The following CFAP77 variants were observed in gnomAD, a reference collection of about 807,000 sequenced individuals.
The protein encoded by CFAP77 is cilia- and flagella-associated protein 77.
CFAP77 carries 25 observed loss-of-function variants against 31.1 expected under a neutral mutation model. The ratio of observed to expected loss-of-function variants is 0.80; its 90% confidence interval spans 0.59 to 1.12. The LOEUF (loss-of-function observed/expected upper bound fraction) is 1.12, where lower values mean the gene tolerates loss of function less well. Among genes scored for constraint, CFAP77 ranks in the 50% most tolerant of loss-of-function variants. The pLI is 0.00. For synonymous variants in CFAP77, 151 were observed against 159.9 expected, an observed-to-expected ratio of 0.94 and a Z score of 0.42; for missense variants, 377 against 397.3, an observed-to-expected ratio of 0.95 and a Z score of 0.44.
At chr9:132,534,089 A>G (rs753160241) in intron 3 of CFAP77, among the ~76,000 whole-genome samples, 6 of 152,110 alleles carry the variant, frequency 3.9e-5, no homozygotes, top group South Asian at 2.1e-4. Flanking sequence ...TATGTTGTGT[A>G]TATTTACCAC....
chr9:132,522,058 G>A (rs547686672), intron 3 of CFAP77, among the ~76,000 whole-genome samples: 58 of 152,206 alleles, frequency 3.8e-4, no homozygotes, highest in African/African-American at 1.3e-3. Context: ...CACTACACCC[G>A]GCCCCAGACT....
intron 3 of CFAP77, among the ~76,000 whole-genome samples, chr9:132,536,391 C>CT (rs35488775): frequency 0.18 from 21,939 of 122,196 alleles, 2,291 homozygotes; most frequent in East Asian, 0.27. Context: ...GCTCATAGTT[C>CT]TTTTTTTTTT....
Position 132,517,964 on chromosome 9 carries a change from G to A in CFAP77, c.524+18364G>A, listed in dbSNP as rs181430151. On this transcript the variant is annotated intron_variant, in intron 3 of 5. Coordinates refer to ENST00000393216, the MANE Select transcript of CFAP77 (RefSeq NM_001282957.2). This position sits in a 1 kb window ranked among gnomAD's most constrained non-coding sequence, Gnocchi z 4.7. ...GATTTCATTTCATTCCCCCTTTTTC[G>A]CTTTATGGGACTGAGTTTTGACCCG... Among the ~76,000 whole-genome samples, 40 of 152,062 alleles carry A rather than the reference G, an allele frequency of 2.6e-4. No homozygotes were observed. Among genetic ancestry groups the A allele is most frequent in the African/African-American group, 7.7e-4 (32 of 41,500 alleles).
At chr9:132,526,396 A>AT (rs554938625) in intron 3 of CFAP77, among the ~76,000 whole-genome samples, 37 of 150,368 alleles carry the variant, frequency 2.5e-4, no homozygotes, top group Admixed American at 1.7e-3. Context: ...CGCCTGGCTA[A>AT]TTTTTTTTTG....
intron 3 of CFAP77, among the ~76,000 whole-genome samples, chr9:132,523,795 A>G (rs1431437889): frequency 6.6e-6 from 1 of 152,096 alleles, no homozygotes; most frequent in Non-Finnish European, 1.5e-5. Flanking sequence ...AATACTCCCA[A>G]TTTCATTGGA....
intron 1 of CFAP77, among the ~76,000 whole-genome samples, chr9:132,443,535 G>A (rs933386239): frequency 1.3e-5 from 2 of 152,176 alleles, no homozygotes; most frequent in African/African-American, 2.4e-5. Context: ...TTACAGGGAT[G>A]AGCCACTGCA....
At chr9:132,518,751 C>T (rs1852193791) in intron 3 of CFAP77, among the ~76,000 whole-genome samples, 1 of 152,206 alleles carries the variant, frequency 6.6e-6, no homozygotes, top group Non-Finnish European at 1.5e-5. Flanking sequence ...AGAGATCTGT[C>T]CAAAGCCTCA....
intron 1 of CFAP77, among the ~76,000 whole-genome samples, chr9:132,471,010 G>A (rs1851244290): frequency 6.6e-6 from 1 of 152,176 alleles, no homozygotes; most frequent in Admixed American, 6.5e-5. Flanking sequence ...TTTTATAAAT[G>A]GATATGTTTA....
At chr9:132,461,531 T>G (rs569270723) in intron 1 of CFAP77, among the ~76,000 whole-genome samples, 21 of 152,200 alleles carry the variant, frequency 1.4e-4, no homozygotes, top group Non-Finnish European at 2.8e-4. Flanking sequence ...CAGAACAGCT[T>G]GATTCCTTGA....
intron 1 of CFAP77, among the ~76,000 whole-genome samples, chr9:132,410,922 C>A (rs951573740): frequency 6.6e-6 from 1 of 152,182 alleles, no homozygotes; most frequent in African/African-American, 2.4e-5. Context: ...AGCGGTGGCT[C>A]CGTGTCTGTC....
rs533498144 is a variant in CFAP77, at chr9:132,482,193, T to C, written c.196-16502T>C. ...TTTCTCTCTTTCTTTCTTTCTTTTT[T>C]TTTTTCTTTTCATAGGGAGCCTTTT... On this transcript the variant is annotated intron_variant, in intron 1 of 5. Transcript: ENST00000393216. 123 of 632,786 alleles carry C rather than the reference T, an allele frequency of 1.9e-4. 1 individual carries two copies. The highest frequency in any genetic ancestry group is 3.0e-4 in the Non-Finnish European group (108 of 357,610). The allele number at this position is 632,786 out of a possible 1,614,324, so 39.2% of individuals were successfully genotyped here.
chr9:132,455,183 A>G lies in CFAP77; in HGVS notation c.196-43512A>G, dbSNP rs1850890637. Among the ~76,000 whole-genome samples the G allele has an allele frequency of 6.6e-6, 1 of 152,166 alleles. No homozygotes were observed. The highest frequency in any genetic ancestry group is 2.4e-5 in the African/African-American group (1 of 41,428). On this transcript the variant is annotated intron_variant, in intron 1 of 5. Coordinates refer to ENST00000393216, the MANE Select transcript of CFAP77 (RefSeq NM_001282957.2). The surrounding 1 kb of genome is among the most constrained non-coding windows in gnomAD (Gnocchi z 4.1). ...TGGCAATACCATCTGTCATTGCAGCAGAGCCCAGTAGTGTGGGGTTCTTAC... is the reference window on the plus strand; with the variant it reads ...TGGCAATACCATCTGTCATTGCAGCGGAGCCCAGTAGTGTGGGGTTCTTAC...
At chr9:132,416,329 ATTTTTTTTT>A (rs71503303) in intron 1 of CFAP77, among the ~76,000 whole-genome samples, 15 of 60,304 alleles carry the variant, frequency 2.5e-4, no homozygotes, top group Admixed American at 8.2e-4. Flanking sequence ...TTCTTATCTG[ATTTTTTTTT>A]TTTTTTTTTT....
chr9:132,486,066 G>A (rs12236159), intron 1 of CFAP77, among the ~76,000 whole-genome samples: 2,087 of 15,988 alleles, frequency 0.13, 328 homozygotes, highest in African/African-American at 0.46. Flanking sequence ...GTGTGTGTGT[G>A]TATATATATA....
At chr9:132,428,979 G>A (rs1016283173) in intron 1 of CFAP77, among the ~76,000 whole-genome samples, 6 of 152,128 alleles carry the variant, frequency 3.9e-5, no homozygotes, top group Non-Finnish European at 5.9e-5. Context: ...GAATAACAAG[G>A]TAATCACTAG....
chr9:132,478,285 G>A (rs987896446), intron 1 of CFAP77, among the ~76,000 whole-genome samples: 3 of 152,070 alleles, frequency 2.0e-5, no homozygotes, highest in African/African-American at 7.2e-5. Flanking sequence ...GCAAATTCCT[G>A]AAGCTGAGGG....
intron 1 of CFAP77, among the ~76,000 whole-genome samples, chr9:132,441,760 G>C (rs571712828): frequency 6.6e-6 from 1 of 152,204 alleles, no homozygotes; most frequent in South Asian, 2.1e-4. Flanking sequence ...CCAGGAACCC[G>C]ATCTTCTTCA....
chr9:132,415,801 A>G (rs563562531), intron 1 of CFAP77, among the ~76,000 whole-genome samples: 16 of 152,274 alleles, frequency 1.1e-4, no homozygotes, highest in African/African-American at 3.9e-4. Context: ...CCCGTTTTCT[A>G]TTGCAGTGGT....
Position 132,498,675 on chromosome 9 carries a change from C to T in CFAP77, c.196-20C>T. 1 of 1,589,874 alleles carries T rather than the reference C, an allele frequency of 6.3e-7. No individual in the cohort carries two copies. Among genetic ancestry groups the T allele is most frequent in the Non-Finnish European group, 8.6e-7 (1 of 1,162,254 alleles). On this transcript the variant is annotated intron_variant, in intron 1 of 5. Coordinates refer to ENST00000393216, the MANE Select transcript of CFAP77 (RefSeq NM_001282957.2). This position sits in a 1 kb window ranked among gnomAD's most constrained non-coding sequence, Gnocchi z 4.2. ...TGAGACTCCACTCCTCACCTCTGCT[C>T]TCTGTCCTTCCCCCGACAGGCTGAA...
Sources: allele counts gnomAD v4.1 joint callset (sites outside exome capture counted in the v4.1 genomes callset), GRCh38; gene constraint gnomAD v4.1.1; non-coding constraint Gnocchi (gnomAD v3.1); transcripts MANE v1.5; gene names NCBI Gene and HGNC (gene_info 2026-07-23, HGNC 2026-07-21).